ATP8B4: variants seen among roughly 807,000 people sequenced by gnomAD.
ATP8B4 encodes probable phospholipid-transporting ATPase IM.
ATP8B4 carries 133 observed loss-of-function variants against 145.6 expected under a neutral mutation model. That is an observed-to-expected ratio of 0.91 (90% confidence interval 0.79 to 1.05). The LOEUF is 1.05. Among genes scored for constraint, ATP8B4 ranks in the 50% least tolerant of loss-of-function variants. The pLI is 0.00. For synonymous variants in ATP8B4, 507 were observed against 492.9 expected, an observed-to-expected ratio of 1.03 and a Z score of -0.38; for missense variants, 1,458 against 1,425.2, an observed-to-expected ratio of 1.02 and a Z score of -0.37.
intron 10 of ATP8B4, among the ~76,000 whole-genome samples, chr15:49,985,559 T>C (rs1247801149): frequency 6.6e-6 from 1 of 152,206 alleles, no homozygotes; most frequent in Non-Finnish European, 1.5e-5. Context: ...TCTGCTAACA[T>C]TTGTGACCAG....
intron 6 of ATP8B4, among the ~76,000 whole-genome samples, chr15:50,017,489 T>A (rs939010707): frequency 6.6e-6 from 1 of 152,112 alleles, no homozygotes; most frequent in African/African-American, 2.4e-5. Context: ...ATCCTCTTTT[T>A]GAAAAAAACA....
intron 1 of ATP8B4, among the ~76,000 whole-genome samples, chr15:50,134,099 T>C (rs901487086): frequency 2.6e-5 from 4 of 152,042 alleles, no homozygotes; most frequent in Non-Finnish European, 4.4e-5. Context: ...ACCTTAAATA[T>C]AGATAATTTT....
chr15:49,907,947 G>A, intron 20 of ATP8B4: 1 of 428,394 alleles, frequency 2.3e-6, no homozygotes, highest in Non-Finnish European at 4.6e-6. Context: ...TCTGAGGTAT[G>A]TTTAGGGAAA....
chr15:50,129,932 G>A (rs2057333737), intron 1 of ATP8B4, among the ~76,000 whole-genome samples: 2 of 129,634 alleles, frequency 1.5e-5, no homozygotes, highest in South Asian at 2.5e-4. Context: ...TGGTGACAGA[G>A]CAAGACTCTG....
intron 7 of ATP8B4, among the ~76,000 whole-genome samples, chr15:50,003,911 C>T (rs1250593916): frequency 1.3e-5 from 2 of 152,128 alleles, no homozygotes; most frequent in Admixed American, 1.3e-4. Context: ...GGCGCCACTG[C>T]CATCTGGCGG....
chr15:50,125,378 G>C (rs1272899551), intron 1 of ATP8B4, among the ~76,000 whole-genome samples: 1 of 152,168 alleles, frequency 6.6e-6, no homozygotes, highest in Non-Finnish European at 1.5e-5. Flanking sequence ...CACTGGGTGT[G>C]AAAATTTCCT....
chr15:50,003,807 C>T (rs888743636), intron 7 of ATP8B4, among the ~76,000 whole-genome samples: 1 of 152,124 alleles, frequency 6.6e-6, no homozygotes, highest in Admixed American at 6.5e-5. Context: ...TCCAGTGTTA[C>T]TGTTGAAGAC....
chr15:50,054,704 A>G (rs1463868523), intron 3 of ATP8B4, among the ~76,000 whole-genome samples: 1 of 149,478 alleles, frequency 6.7e-6, no homozygotes, highest in African/African-American at 2.5e-5. Context: ...GAATAGCATG[A>G]ACCCAGGAGG....
At chr15:49,932,215 AG>A (rs1404431386) in intron 15 of ATP8B4, among the ~76,000 whole-genome samples, 1 of 151,894 alleles carries the variant, frequency 6.6e-6, no homozygotes, top group Non-Finnish European at 1.5e-5. Context: ...TTTGTTAAAA[AG>A]AAACAAATCA....
At chr15:50,155,156 T>C (rs2044395233) in intron 1 of ATP8B4, among the ~76,000 whole-genome samples, 1 of 152,134 alleles carries the variant, frequency 6.6e-6, no homozygotes, top group African/African-American at 2.4e-5. Flanking sequence ...GTAAGAACCT[T>C]GAAGTTAAAT....
intron 2 of ATP8B4, among the ~76,000 whole-genome samples, chr15:50,085,499 C>T (rs1426737515): frequency 6.6e-6 from 1 of 151,948 alleles, no homozygotes; most frequent in Non-Finnish European, 1.5e-5. Flanking sequence ...AATGCAGATC[C>T]ACGCAGTGCC....
Position 50,124,449 on chromosome 15 carries a change from A to G in ATP8B4, c.-42-17441T>C, listed in dbSNP as rs531441861. Among the ~76,000 whole-genome samples, 77 of 152,322 alleles carry G rather than the reference A, an allele frequency of 5.1e-4. No homozygotes were observed. The Middle Eastern group carries it at 0.01, about 20-fold the overall frequency. ...AACTCATGAAAAGAACAAAAAGAGA[A>G]TAAGAGAATGCAAACAAGAAGTTAG... On this transcript the variant is annotated intron_variant, in intron 1 of 3. Transcript: ENST00000558829.
intron 17 of ATP8B4, among the ~76,000 whole-genome samples, chr15:49,923,094 G>A (rs1170937059): frequency 1.3e-5 from 2 of 152,172 alleles, no homozygotes; most frequent in East Asian, 3.9e-4. Flanking sequence ...AAGCTGCAGG[G>A]GAGTTACAGC....
At chr15:49,931,051 T>C (rs1252901676) in intron 16 of ATP8B4, 68 bp downstream of exon 16, 3 of 1,475,642 alleles carry the variant, frequency 2.0e-6, no homozygotes, top group Non-Finnish European at 1.8e-6. Context: ...AAAAGTGAAA[T>C]TAATCCTTGA....
chr15:50,168,511 C>A (rs2044625733), intron 1 of ATP8B4, among the ~76,000 whole-genome samples: 1 of 152,198 alleles, frequency 6.6e-6, no homozygotes, highest in South Asian at 2.1e-4. Context: ...GTAGAGAAAG[C>A]AGCAGAAAGG....
intron 9 of ATP8B4, among the ~76,000 whole-genome samples, chr15:49,994,078 C>T (rs2153551951): frequency 6.6e-6 from 1 of 152,154 alleles, no homozygotes; most frequent in Non-Finnish European, 1.5e-5. Context: ...GACCTGTTAC[C>T]TCATCTGAGA....
chr15:50,158,932 T>C (rs1367008480), intron 1 of ATP8B4, among the ~76,000 whole-genome samples: 5 of 152,118 alleles, frequency 3.3e-5, no homozygotes, highest in Non-Finnish European at 1.5e-5. Context: ...TCATCACCAC[T>C]CCCTAATCTC....
chr15:50,135,914 C>T (rs1314035777), intron 1 of ATP8B4, among the ~76,000 whole-genome samples: 6 of 152,192 alleles, frequency 3.9e-5, no homozygotes, highest in South Asian at 2.1e-4. Context: ...TTAAACTGAA[C>T]GGTCCTCTGA....
chr15:50,061,721 T>C (rs922651066), intron 3 of ATP8B4, among the ~76,000 whole-genome samples: 1 of 152,174 alleles, frequency 6.6e-6, no homozygotes, highest in Admixed American at 6.5e-5. Context: ...GCCAAATGGT[T>C]CCCCAAATCC....
Sources: gnomAD v4.1 joint callset for allele counts (sites outside exome capture counted in the v4.1 genomes callset) on GRCh38, gnomAD v4.1.1 for gene constraint, MANE v1.5 for transcripts, NCBI Gene and HGNC (gene_info 2026-07-23, HGNC 2026-07-21) for gene names.